The following NRCAM variants were observed in gnomAD, a reference collection of about 807,000 sequenced individuals.
NRCAM encodes neuronal cell adhesion molecule, also known as NgCAM-related cell adhesion molecule.
In NRCAM, 83 loss-of-function variants were observed where a neutral mutation model predicts 156.5. The ratio of observed to expected loss-of-function variants is 0.53; its 90% CI spans 0.44 to 0.64. NRCAM has a LOEUF of 0.64. Ranked by LOEUF, NRCAM falls within the 30% of genes least tolerant of loss-of-function variation. NRCAM has a pLI of 0.00. For synonymous variants in NRCAM, 538 were observed against 563.9 expected (o/e 0.95, Z 0.65); for missense variants, 1,417 against 1,597.3 (o/e 0.89, Z 1.92).
intron 26 of NRCAM, 105 bp downstream of exon 26, chr7:108,177,885 G>GA: frequency 2.0e-6 from 2 of 988,032 alleles, no homozygotes; most frequent in Middle Eastern, 3.4e-4. Flanking sequence ...TATATGTATC[G>GA]AAACATCACT....
intron 11 of NRCAM, among the ~76,000 whole-genome samples, chr7:108,214,455 C>T (rs2086668901): frequency 6.6e-6 from 1 of 151,122 alleles, no homozygotes. Context: ...GTGGTGATAT[C>T]CCTTTTATCA....
At chr7:108,455,830 C>T (rs897375550) in intron 1 of NRCAM, among the ~76,000 whole-genome samples, 2 of 152,150 alleles carry the variant, frequency 1.3e-5, no homozygotes, top group Admixed American at 6.5e-5. Flanking sequence ...TGTCCAAGCC[C>T]GGGAAGCCGC....
At chr7:108,434,490 G>C (rs563214710) in intron 1 of NRCAM, among the ~76,000 whole-genome samples, 1 of 151,080 alleles carries the variant, frequency 6.6e-6, no homozygotes, top group Non-Finnish European at 1.5e-5. Flanking sequence ...CAAATGTGTA[G>C]AAGAGACCTC....
chr7:108,284,943 T>C (rs1015807992), intron 3 of NRCAM, among the ~76,000 whole-genome samples: 4 of 152,156 alleles, frequency 2.6e-5, no homozygotes, highest in African/African-American at 9.7e-5. Context: ...ATCAGAGTTG[T>C]GGGTAGAAGG....
At chr7:108,334,295 A>G (rs2099156646) in intron 2 of NRCAM, among the ~76,000 whole-genome samples, 1 of 152,238 alleles carries the variant, frequency 6.6e-6, no homozygotes, top group African/African-American at 2.4e-5. Context: ...AAACAGTTCA[A>G]TAGATGTAAG....
intron 3 of NRCAM, among the ~76,000 whole-genome samples, chr7:108,244,828 A>T (rs567682425): frequency 6.6e-6 from 1 of 152,314 alleles, no homozygotes; most frequent in South Asian, 2.1e-4. Context: ...GGTGGTTTTT[A>T]CCCCAATAAC....
intron 2 of NRCAM, among the ~76,000 whole-genome samples, chr7:108,355,987 G>C (rs2099492699): frequency 6.6e-6 from 1 of 150,390 alleles, no homozygotes; most frequent in African/African-American, 2.4e-5. Context: ...TGTTGCCCAA[G>C]CTGGAGGATG....
chr7:108,150,249 T>C (rs1399647917), intron 32 of NRCAM, 102 bp from the exon 33 acceptor site: 2 of 913,568 alleles, frequency 2.2e-6, no homozygotes, highest in African/African-American at 1.7e-5. Flanking sequence ...TTTGGAGTCC[T>C]GGGCTTCTCT....
chr7:108,434,852 A>G (rs1219762031), intron 1 of NRCAM, among the ~76,000 whole-genome samples: 1 of 152,228 alleles, frequency 6.6e-6, no homozygotes, highest in Non-Finnish European at 1.5e-5. Flanking sequence ...CAGGGAAGAC[A>G]TGCCACAGAT....
At chr7:108,231,337 A>G (rs2094304441) in intron 7 of NRCAM, among the ~76,000 whole-genome samples, 184 bp from the exon 8 acceptor site, 1 of 152,198 alleles carries the variant, frequency 6.6e-6, no homozygotes, top group Non-Finnish European at 1.5e-5. Context: ...AAAAATGACA[A>G]TTCTCATGCA....
At chr7:108,259,647 G>A (rs912190040) in intron 3 of NRCAM, among the ~76,000 whole-genome samples, 15 of 152,180 alleles carry the variant, frequency 9.9e-5, no homozygotes, top group Admixed American at 9.8e-4. Flanking sequence ...TATAGACAAT[G>A]GAATACTATG....
intron 2 of NRCAM, among the ~76,000 whole-genome samples, chr7:108,355,876 T>A (rs1485989025): frequency 6.6e-6 from 1 of 152,114 alleles, no homozygotes; most frequent in Non-Finnish European, 1.5e-5. Context: ...CTTCATCACA[T>A]CACGTAGGTA....
At chr7:108,455,456 C>T (rs1855899954) in intron 1 of NRCAM, among the ~76,000 whole-genome samples, 1 of 152,176 alleles carries the variant, frequency 6.6e-6, no homozygotes, top group Admixed American at 6.5e-5. Context: ...TCTTTCCAGG[C>T]AGCCCCCAGC....
intron 26 of NRCAM, among the ~76,000 whole-genome samples, chr7:108,176,987 T>C (rs2060745059): frequency 6.6e-6 from 1 of 152,174 alleles, no homozygotes; most frequent in South Asian, 2.1e-4. Flanking sequence ...TTTCTATTTG[T>C]AGAAAATGCA....
intron 2 of NRCAM, among the ~76,000 whole-genome samples, chr7:108,345,540 G>A (rs1021012337): frequency 2.0e-5 from 3 of 152,156 alleles, no homozygotes; most frequent in African/African-American, 7.2e-5. Flanking sequence ...AATCTTCAAT[G>A]TGATAGTATT....
intron 10 of NRCAM, among the ~76,000 whole-genome samples, chr7:108,225,210 T>C (rs2093235486): frequency 6.6e-6 from 1 of 152,178 alleles, no homozygotes; most frequent in Non-Finnish European, 1.5e-5. Context: ...TGAAAACAGA[T>C]GACAAGTGTG....
intron 19 of NRCAM, among the ~76,000 whole-genome samples, 161 bp from the exon 20 acceptor site, chr7:108,189,907 GGAACACAC>G (rs2153431182): frequency 6.6e-6 from 1 of 152,240 alleles, no homozygotes; most frequent in African/African-American, 2.4e-5. Flanking sequence ...GAGGCTGCTG[GGAACACAC>G]GAACACACAC....
At chr7:108,454,492 TA>T (rs1443913507) in intron 1 of NRCAM, among the ~76,000 whole-genome samples, 3 of 152,192 alleles carry the variant, frequency 2.0e-5, no homozygotes, top group Non-Finnish European at 4.4e-5. Context: ...AATGAGATGA[TA>T]CATGTAACAT....
At chr7:108,191,682 A>C (rs1207682052) in intron 18 of NRCAM, 47 bp downstream of exon 18, 5 of 1,551,518 alleles carry the variant, frequency 3.2e-6, no homozygotes, top group Non-Finnish European at 4.4e-6. Flanking sequence ...TTTCTTTTCA[A>C]CCAAATGCAG....
Sources: allele counts gnomAD v4.1 joint callset (sites outside exome capture counted in the v4.1 genomes callset), GRCh38; gene constraint gnomAD v4.1.1; transcripts MANE v1.5; gene names NCBI Gene and HGNC (gene_info 2026-07-23, HGNC 2026-07-21).